Variants in FBXL17 observed in about 807,000 individuals in gnomAD.
The protein encoded by FBXL17 is F-box and leucine rich repeat protein 17, also known as F-box/LRR-repeat protein 17.
FBXL17 carries 22 observed loss-of-function variants against 66.2 expected under a neutral mutation model. The observed-to-expected ratio is 0.33, with a 90% CI of 0.24 to 0.47. The LOEUF (loss-of-function observed/expected upper bound fraction) is 0.47, where lower values mean the gene tolerates loss of function less well. FBXL17 is among the 20% of genes least tolerant of loss of function. The pLI, the probability that FBXL17 is intolerant of heterozygous loss-of-function variation, is 1.00. For missense variants in FBXL17, 878 were observed against 948.2 expected (o/e 0.93, Z 0.97); for synonymous variants, 474 against 400.5 (o/e 1.18, Z -2.19).
intron 4 of FBXL17, among the ~76,000 whole-genome samples, chr5:108,321,718 A>G (rs1274001628): frequency 6.6e-6 from 1 of 151,862 alleles, no homozygotes; most frequent in Admixed American, 6.6e-5. Context: ...AATTTAAAAA[A>G]AAAAACAAGA....
chr5:107,993,579 A>G (rs1441540047), intron 7 of FBXL17, among the ~76,000 whole-genome samples: 1 of 152,180 alleles, frequency 6.6e-6, no homozygotes, highest in Non-Finnish European at 1.5e-5. Context: ...TTTTTCACAT[A>G]TCTAAAAGCC....
At chr5:108,060,637 A>G (rs1249475982) in intron 6 of FBXL17, among the ~76,000 whole-genome samples, 1 of 152,084 alleles carries the variant, frequency 6.6e-6, no homozygotes, top group Non-Finnish European at 1.5e-5. Flanking sequence ...ACAACTTCTA[A>G]CCAGTATATT....
chr5:108,217,079 G>T (rs1165796025), intron 5 of FBXL17, among the ~76,000 whole-genome samples: 1 of 151,992 alleles, frequency 6.6e-6, no homozygotes, highest in African/African-American at 2.4e-5. Context: ...ACCTCAGCCC[G>T]ATTGTTCCCA....
chr5:108,366,899 A>G (rs1399501248), intron 2 of FBXL17, among the ~76,000 whole-genome samples: 3 of 152,152 alleles, frequency 2.0e-5, no homozygotes, highest in African/African-American at 7.2e-5. Context: ...ATACACTACC[A>G]GTGTGCTGGA....
rs202081801 is a variant in FBXL17, at chr5:108,229,429, T to G, written c.1507-5201A>C. On this transcript the variant is annotated intron_variant, in intron 4 of 8. Transcript: ENST00000542267. ...ATAAACTCAAATACTTACAGCCAAC[T>G]GATCTTAGACAAAGCCAACAAAAAC... Among the ~76,000 whole-genome samples, 30 of 152,270 alleles carry G rather than the reference T, an allele frequency of 2.0e-4. 1 individual carries two copies. In the East Asian group the frequency reaches 5.8e-3, roughly 29 times the overall value.
At chr5:108,138,464 C>G (rs1400213375) in intron 6 of FBXL17, among the ~76,000 whole-genome samples, 1 of 151,432 alleles carries the variant, frequency 6.6e-6, no homozygotes, top group Non-Finnish European at 1.5e-5. Flanking sequence ...CTTTCCTATT[C>G]CAATGCCTAG....
At chr5:107,979,466 T>C (rs1752719954) in intron 7 of FBXL17, among the ~76,000 whole-genome samples, 1 of 152,180 alleles carries the variant, frequency 6.6e-6, no homozygotes, top group African/African-American at 2.4e-5. Context: ...TTATTTGGCA[T>C]TTGTTATGTT....
intron 8 of FBXL17, among the ~76,000 whole-genome samples, chr5:107,873,144 A>C (rs2112490888): frequency 6.6e-6 from 1 of 152,376 alleles, no homozygotes; most frequent in East Asian, 1.9e-4. Context: ...ATAGAATGGC[A>C]AGAAGAGAGG....
At chr5:108,225,369 T>C (rs952270649) in intron 4 of FBXL17, among the ~76,000 whole-genome samples, 20 of 152,180 alleles carry the variant, frequency 1.3e-4, no homozygotes, top group African/African-American at 4.8e-4. Context: ...CAGAATGTGA[T>C]CTTATTTGGA....
chr5:107,879,738 C>T, intron 8 of FBXL17: 2 of 985,416 alleles, frequency 2.0e-6, no homozygotes, highest in Non-Finnish European at 1.2e-6. Flanking sequence ...AGATTTGTTC[C>T]TAATCACCAT....
chr5:108,041,998 C>A (rs759758037), intron 6 of FBXL17, among the ~76,000 whole-genome samples: 1 of 152,024 alleles, frequency 6.6e-6, no homozygotes. Context: ...TGGGTTCAAG[C>A]GACTCTCCTG....
chr5:108,198,136 C>T (rs1387868439), intron 5 of FBXL17, among the ~76,000 whole-genome samples: 1 of 152,124 alleles, frequency 6.6e-6, no homozygotes, highest in East Asian at 1.9e-4. Context: ...GTCAACAGGT[C>T]CCTATGGCTT....
At chr5:108,125,910 G>C (rs1750679211) in intron 6 of FBXL17, among the ~76,000 whole-genome samples, 1 of 151,968 alleles carries the variant, frequency 6.6e-6, no homozygotes. Context: ...TCCTGATAAA[G>C]TAACCAAGTG....
chr5:107,896,061 T>C (rs1251391679), intron 7 of FBXL17, among the ~76,000 whole-genome samples: 1 of 152,118 alleles, frequency 6.6e-6, no homozygotes, highest in Non-Finnish European at 1.5e-5. Context: ...ACTGGGACTC[T>C]TTAAAGATAT....
At chr5:107,997,149 G>A (rs929546249) in intron 7 of FBXL17, among the ~76,000 whole-genome samples, 2 of 152,106 alleles carry the variant, frequency 1.3e-5, no homozygotes, top group Non-Finnish European at 2.9e-5. Context: ...GGAAAGTTTA[G>A]GGTCAGTGAC....
At chr5:108,377,000 G>A (rs989965480) in intron 1 of FBXL17, among the ~76,000 whole-genome samples, 1 of 152,128 alleles carries the variant, frequency 6.6e-6, no homozygotes, top group African/African-American at 2.4e-5. Flanking sequence ...TGGGCAGTGT[G>A]ACTACATCTG....
At position 108,267,747 on chromosome 5, in the gene FBXL17, T is replaced by C. The variant is rs560737560; in HGVS notation, c.1507-43519A>G. ...AGATGAATAAATAAAATAAGTGCTA[T>C]GAAGTCAGATAAAGTCAGATACGAG... On this transcript the variant is annotated intron_variant, in intron 4 of 8. Transcript: ENST00000542267. Among the ~76,000 whole-genome samples, 9 of 152,152 alleles carry C rather than the reference T, an allele frequency of 5.9e-5. No homozygotes were observed. The East Asian group carries it at 1.3e-3, about 23-fold the overall frequency.
At chr5:107,921,160 G>GA (rs1243457788) in intron 7 of FBXL17, among the ~76,000 whole-genome samples, 1 of 152,124 alleles carries the variant, frequency 6.6e-6, no homozygotes, top group Non-Finnish European at 1.5e-5. Context: ...TGAATAGAAG[G>GA]TTTCAGATTT....
rs1754757172 is a variant in FBXL17 at position 108,025,247 on chromosome 5, C to T, written c.1746-4246G>A. 2.6e-5 allele frequency among the ~76,000 whole-genome samples: 4 copies of T among 152,140 alleles called. No individual in the cohort carries two copies. The South Asian group carries it at 8.3e-4, about 31-fold the overall frequency. On this transcript the variant is annotated intron_variant, in intron 6 of 8. Coordinates refer to ENST00000542267, the MANE Select transcript of FBXL17 (RefSeq NM_001163315.3). ...GGTTTGCAAATCTCACTTTAAAGGA[C>T]AGGCTCCATCACCTCAGAGGTGTGA...
Sources: allele counts gnomAD v4.1 joint callset (sites outside exome capture counted in the v4.1 genomes callset), GRCh38; gene constraint gnomAD v4.1.1; transcripts MANE v1.5; gene names NCBI Gene and HGNC (gene_info 2026-07-23, HGNC 2026-07-21).